MYOF: variants seen among roughly 807,000 people sequenced by gnomAD.
MYOF encodes the protein fer-1-like 3, myoferlin.
A neutral mutation model predicts 284.2 loss-of-function variants in MYOF; 244 were observed. The ratio of observed to expected loss-of-function variants is 0.86; its 90% confidence interval spans 0.77 to 0.95. MYOF has a LOEUF of 0.95. Among genes scored for constraint, MYOF ranks in the 40% least tolerant of loss-of-function variants. MYOF has a pLI of 0.00. For synonymous variants in MYOF, 904 were observed against 919.7 expected, an observed-to-expected ratio of 0.98 and a Z score of 0.31; for missense variants, 2,496 against 2,560.6, an observed-to-expected ratio of 0.97 and a Z score of 0.54.
intron 3 of MYOF, among the ~76,000 whole-genome samples, chr10:93,434,301 G>A (rs1246695852): frequency 6.6e-6 from 1 of 151,900 alleles, no homozygotes; most frequent in Non-Finnish European, 1.5e-5. Flanking sequence ...GTGTGGTGGT[G>A]CGCACCTGTA....
chr10:93,445,677 G>A (rs772927900), intron 3 of MYOF, among the ~76,000 whole-genome samples: 10 of 152,342 alleles, frequency 6.6e-5, no homozygotes, highest in Admixed American at 1.3e-4. Flanking sequence ...GACTGCCTGG[G>A]TCTAGCCCAT....
At chr10:93,425,183 C>T (rs1848527647) in intron 5 of MYOF, among the ~76,000 whole-genome samples, 1 of 151,994 alleles carries the variant, frequency 6.6e-6, no homozygotes, top group Non-Finnish European at 1.5e-5. Context: ...CCAGGTGATT[C>T]ACCTGCCTTG....
chr10:93,317,456 G>GT (rs1359413263), intron 49 of MYOF, among the ~76,000 whole-genome samples: 1 of 151,930 alleles, frequency 6.6e-6, no homozygotes, highest in Non-Finnish European at 1.5e-5. Context: ...GGCCAACATG[G>GT]TGAAACCCCG....
At chr10:93,448,957 T>C (rs1030968904) in intron 3 of MYOF, among the ~76,000 whole-genome samples, 9 of 152,000 alleles carry the variant, frequency 5.9e-5, no homozygotes, top group African/African-American at 2.2e-4. Context: ...ATCACGCCAC[T>C]GCACTCCAGC....
intron 37 of MYOF, among the ~76,000 whole-genome samples, chr10:93,344,466 A>T (rs1462309920): frequency 6.6e-6 from 1 of 152,082 alleles, no homozygotes; most frequent in Non-Finnish European, 1.5e-5. Flanking sequence ...GTATTCCCAT[A>T]GCTTAGCTCC....
chr10:93,349,780 G>C, intron 36 of MYOF, 28 bp downstream of exon 36: 1 of 1,611,684 alleles, frequency 6.2e-7, no homozygotes, highest in Non-Finnish European at 8.5e-7. Context: ...CAACGCGCAT[G>C]GGTGATCACA....
intron 32 of MYOF, among the ~76,000 whole-genome samples, chr10:93,353,348 G>A (rs978264174): frequency 6.6e-6 from 1 of 152,192 alleles, no homozygotes; most frequent in Admixed American, 6.5e-5. Flanking sequence ...AATGTGGGGA[G>A]CAGGCAGAGG....
intron 5 of MYOF, 97 bp downstream of exon 5, chr10:93,425,974 G>C (rs956168972): frequency 7.8e-7 from 1 of 1,281,018 alleles, no homozygotes; most frequent in Non-Finnish European, 1.1e-6. Context: ...GGAGCTACAG[G>C]CTTGTGATCA....
intron 10 of MYOF, 121 bp downstream of exon 10, chr10:93,402,739 A>T (rs701875): frequency 0.64 from 500,176 of 780,112 alleles, 169,039 homozygotes; most frequent in Middle Eastern, 0.73. Flanking sequence ...AATATTTTTT[A>T]AAAAATTCCT....
chr10:93,310,136 T>A lies in MYOF; in HGVS notation c.6031A>T (p.Asn2011Tyr). The A allele has an allele frequency of 6.2e-7, 1 of 1,614,170 alleles. No individual in the cohort carries two copies. Among genetic ancestry groups the A allele is most frequent in the African/African-American group, 1.3e-5 (1 of 75,062 alleles). Residue 2011 changes from asparagine to tyrosine, a missense_variant, in exon 53 of 54, where the codon AAC becomes TAC. Asn to Tyr is a moderately radical substitution (Grantham distance 143, BLOSUM62 -2). This residue lies in a region of MYOF where 2,436 missense variants were observed against 2,480.7 expected (regional missense o/e 0.98). Coordinates refer to ENST00000359263, the MANE Select transcript of MYOF (RefSeq NM_013451.4). ...RPETSFLWFT[N>Y]PCKTMKFIVW... is the part of the protein sequence containing the mutation. ...ATGAACTTCATGGTCTTGCATGGGT[T>A]GGTGAACCAGAGGAAGGAGGTTTCT... is the stretch of plus-strand genomic sequence containing the variant.
chr10:93,424,741 GGCTGA>G (rs1848505590), intron 5 of MYOF, among the ~76,000 whole-genome samples: 2 of 152,048 alleles, frequency 1.3e-5, no homozygotes, highest in Non-Finnish European at 2.9e-5. Context: ...GCGGAGGTCA[GGCTGA>G]GCAAGATGAG....
rs367618675 is a variant in MYOF at position 93,377,368 on chromosome 10, G to A, written c.2063C>T (p.Ala688Val). 126 of 1,613,956 alleles carry A rather than the reference G, an allele frequency of 7.8e-5. No homozygotes were observed. The highest frequency in any genetic ancestry group is 1.6e-4 in the Middle Eastern group (1 of 6,084). ...IQGKIPANQLAELWLKLIDEV... is the reference protein window; with the variant it reads ...IQGKIPANQLVELWLKLIDEV... Reference sequence around the variant, plus strand: ...ATCTATCAGCTTCAGCCACAATTCAGCCAGCTGGTTTGCAGGAATTTTACC... The same window carrying A: ...ATCTATCAGCTTCAGCCACAATTCAACCAGCTGGTTTGCAGGAATTTTACC... Residue 688 changes from alanine (A) to valine (V), a missense_variant, in exon 22 of 54, where the codon GCT (alanine) becomes GTT (valine). Physicochemically the swap from Ala to Val is moderately conservative, Grantham distance 64 (BLOSUM62 0). This residue lies in a region of MYOF where 2,436 missense variants were observed against 2,480.7 expected (regional missense o/e 0.98). Coordinates refer to ENST00000359263, the MANE Select transcript of MYOF (RefSeq NM_013451.4).
At chr10:93,332,943 G>A (rs1009872084) in intron 43 of MYOF, among the ~76,000 whole-genome samples, 1 of 152,144 alleles carries the variant, frequency 6.6e-6, no homozygotes, top group Non-Finnish European at 1.5e-5. Context: ...AGGTGGGAGG[G>A]GGGTCCCCGG....
In MYOF at chr10:93,465,735, G is replaced by A. The variant is rs573792782; in HGVS notation, c.89-8798C>T. On this transcript the variant is annotated intron_variant, in intron 1 of 53. Coordinates refer to ENST00000359263, the MANE Select transcript of MYOF (RefSeq NM_013451.4). ...TTACCATGTTGGCCAGGCTGGTCTC[G>A]AACTCCTGACGTCAGGTGATCCGCC... Among the ~76,000 whole-genome samples the A allele has an allele frequency of 7.2e-5, 11 of 151,946 alleles. No homozygotes were observed. The South Asian group carries it at 1.5e-3, about 20-fold the overall frequency.
rs111373857 is a variant in MYOF, at chr10:93,394,651, G to A, written c.1417+1491C>T. Reference sequence around the variant, plus strand: ...AATTTTTTGTATTTTTAATGGAGACGGGGTTTCACCGTGTTAGCCAGGATG... The same window carrying A: ...AATTTTTTGTATTTTTAATGGAGACAGGGTTTCACCGTGTTAGCCAGGATG... On this transcript the variant is annotated intron_variant, in intron 16 of 53. Coordinates refer to ENST00000359263, the MANE Select transcript of MYOF (RefSeq NM_013451.4). 1.1e-4 allele frequency among the ~76,000 whole-genome samples: 17 copies of A among 148,384 alleles called. 1 individual carries two copies. Among genetic ancestry groups the A allele is most frequent in the African/African-American group, 3.4e-4 (14 of 40,590 alleles).
At chr10:93,373,154 C>T (rs2133971321) in intron 23 of MYOF, 69 bp from the exon 24 acceptor site, 5 of 1,577,422 alleles carry the variant, frequency 3.2e-6, no homozygotes, top group South Asian at 1.1e-5. Flanking sequence ...GGACCGAAGA[C>T]CCTGCAGGCT....
rs57326000 is a variant in MYOF at position 93,401,792 on chromosome 10, CGTGTGTGT to C, written c.991-256_991-249del. ...GAGCACCAAATAGTAAGAGCCTGTG[CGTGTGTGT>C]GTGTGTGTGTGTGTGTGTGTGTGTG... On this transcript the variant is annotated intron_variant, in intron 11 of 53. Transcript: ENST00000359263. Among the ~76,000 whole-genome samples, 332 of 94,466 alleles carry C rather than the reference CGTGTGTGT, an allele frequency of 3.5e-3. 2 individuals carry two copies. Among genetic ancestry groups the C allele is most frequent in the Middle Eastern group, 0.013 (2 of 154 alleles). 62.0% of individuals were successfully genotyped at this position (94,466 alleles called of 152,430 possible). A position where few individuals can be genotyped will look rare whatever the true frequency, so the allele number is the denominator to read the frequency against.
rs1589628858 is a variant in MYOF, at chr10:93,478,835, A to AG, written c.88+3271_88+3272insC. 2.0e-3 allele frequency among the ~76,000 whole-genome samples: 154 copies of AG among 75,268 alleles called. 2 individuals are homozygous for AG. The highest frequency in any genetic ancestry group is 1.6e-3 in the Non-Finnish European group (51 of 31,588). 49.4% of individuals were successfully genotyped at this position (75,268 alleles called of 152,430 possible). ...AGGGTGAAACAGTCTCAAAAAAAAA[A>AG]AAAAAAAAGAAAGAAAGAAAGAAAG... On this transcript the variant is annotated intron_variant, in intron 1 of 53. Transcript: ENST00000359263.
At chr10:93,389,973 T>C (rs374788356) in intron 17 of MYOF, among the ~76,000 whole-genome samples, 1 of 152,174 alleles carries the variant, frequency 6.6e-6, no homozygotes, top group South Asian at 2.1e-4. Flanking sequence ...GTTCACTCTG[T>C]ATAAGGCAGA....
Sources: allele counts gnomAD v4.1 joint callset (sites outside exome capture counted in the v4.1 genomes callset), GRCh38; gene constraint gnomAD v4.1.1; regional missense constraint gnomAD v4.1.1; transcripts MANE v1.5; gene names NCBI Gene and HGNC (gene_info 2026-07-23, HGNC 2026-07-21).